Variants in CALD1 observed in about 807,000 individuals in gnomAD.
CALD1 encodes caldesmon 1.
In CALD1, 33 loss-of-function variants were observed where a neutral mutation model predicts 99.9. The observed-to-expected ratio is 0.33, with a 90% CI of 0.25 to 0.44. CALD1 has a LOEUF of 0.44. CALD1 is among the 20% of genes least tolerant of loss of function. The pLI, the probability that CALD1 is intolerant of heterozygous loss-of-function variation, is 1.00. For missense variants in CALD1, 861 were observed against 962.1 expected, an observed-to-expected ratio of 0.89 and a Z score of 1.39; for synonymous variants, 310 against 325.0, an observed-to-expected ratio of 0.95 and a Z score of 0.50.
intron 3 of CALD1, among the ~76,000 whole-genome samples, chr7:134,874,566 A>G (rs893635590): frequency 6.6e-6 from 1 of 152,186 alleles, no homozygotes; most frequent in African/African-American, 2.4e-5. Context: ...TCCCCAACAA[A>G]TGGCTCTCTC....
chr7:134,734,895 G>A, the CALD1 span: 2 of 160,266 alleles, frequency 1.2e-5, no homozygotes, highest in African/African-American at 2.4e-5. Context: ...GTAACAGAAG[G>A]CTCTAAGTCA....
At chr7:134,909,950 G>C (rs909444453) in intron 3 of CALD1, among the ~76,000 whole-genome samples, 1 of 152,190 alleles carries the variant, frequency 6.6e-6, no homozygotes, top group Non-Finnish European at 1.5e-5. Flanking sequence ...GATCAAGTAA[G>C]ATTGAGAGCA....
the CALD1 span, among the ~76,000 whole-genome samples, chr7:134,733,486 C>T: frequency 6.6e-6 from 1 of 152,156 alleles, no homozygotes; most frequent in African/African-American, 2.4e-5. Flanking sequence ...TTTTTATCCC[C>T]CACAACAATA....
chr7:134,777,163 C>A (rs550968194), upstream of CALD1, among the ~76,000 whole-genome samples: 3 of 151,916 alleles, frequency 2.0e-5, no homozygotes, highest in African/African-American at 7.2e-5. Flanking sequence ...TTTCCCCCTT[C>A]CTTTCTTTTT....
At chr7:134,853,705 T>A (rs58257365) in intron 2 of CALD1, among the ~76,000 whole-genome samples, 2 of 152,048 alleles carry the variant, frequency 1.3e-5, no homozygotes, top group African/African-American at 2.4e-5. Context: ...TTATTGAATT[T>A]TTTATTTATT....
At chr7:134,787,688 T>C (rs1419769674) in intron 1 of CALD1, among the ~76,000 whole-genome samples, 1 of 152,116 alleles carries the variant, frequency 6.6e-6, no homozygotes. Context: ...GGACAGAAAA[T>C]TTATCTCTAG....
intron 3 of CALD1, among the ~76,000 whole-genome samples, chr7:134,902,653 T>C (rs1437835681): frequency 6.6e-6 from 1 of 152,074 alleles, no homozygotes; most frequent in Non-Finnish European, 1.5e-5. Flanking sequence ...AGGGAAAAAC[T>C]GAACATCCAA....
chr7:134,779,178 C>T (rs182206101), upstream of CALD1, among the ~76,000 whole-genome samples: 11 of 152,284 alleles, frequency 7.2e-5, no homozygotes, highest in Non-Finnish European at 1.2e-4. Flanking sequence ...CCCACCCCCA[C>T]GCCCAATAAA....
At chr7:134,735,428 A>G in the CALD1 span, among the ~76,000 whole-genome samples, 12 of 152,194 alleles carry the variant, frequency 7.9e-5, no homozygotes, top group African/African-American at 2.9e-4. Context: ...ACCTGGAAAC[A>G]TAAACTTGGG....
intron 3 of CALD1, among the ~76,000 whole-genome samples, chr7:134,919,537 A>G (rs142562853): frequency 1.3e-5 from 2 of 152,366 alleles, no homozygotes; most frequent in East Asian, 3.9e-4. Context: ...ACATAAGAAC[A>G]CTAAAGCTTC....
intron 2 of CALD1, among the ~76,000 whole-genome samples, chr7:134,850,593 A>G (rs12530891): frequency 0.39 from 59,415 of 152,054 alleles, 14,338 homozygotes; most frequent in African/African-American, 0.69. Flanking sequence ...AAAGAAATCA[A>G]CTTATCCATC....
At chr7:134,800,322 TCTTA>T (rs1387088857) in intron 1 of CALD1, among the ~76,000 whole-genome samples, 1 of 152,134 alleles carries the variant, frequency 6.6e-6, no homozygotes, top group African/African-American at 2.4e-5. Flanking sequence ...TCTCTGATAT[TCTTA>T]CTAATTAAAA....
At chr7:134,847,414 T>C (rs899623545) in intron 2 of CALD1, among the ~76,000 whole-genome samples, 3 of 152,170 alleles carry the variant, frequency 2.0e-5, no homozygotes, top group African/African-American at 7.2e-5. Context: ...TAGGCTTATA[T>C]GGGAGAAGGT....
chr7:134,869,137 G>A (rs1267029751), intron 3 of CALD1, among the ~76,000 whole-genome samples: 1 of 152,100 alleles, frequency 6.6e-6, no homozygotes. Flanking sequence ...AATGGAACTA[G>A]TCAGAGAAAG....
the CALD1 span, among the ~76,000 whole-genome samples, chr7:134,733,948 T>A: frequency 6.6e-6 from 1 of 151,356 alleles, no homozygotes; most frequent in Non-Finnish European, 1.5e-5. Context: ...TTATATAGTA[T>A]AAATTTGCTA....
chr7:134,965,144 A>T (rs1292444762), intron 13 of CALD1, 162 bp from the exon 14 acceptor site: 2 of 581,570 alleles, frequency 3.4e-6, no homozygotes, highest in Non-Finnish European at 6.3e-6. Context: ...AAAAAATCAA[A>T]CAACAGCTGA....
chr7:134,758,854 A>T (rs943794077), intron 1 of CALD1, among the ~76,000 whole-genome samples: 33 of 152,026 alleles, frequency 2.2e-4, no homozygotes, highest in Admixed American at 1.3e-4. Context: ...ATCTAGGCAG[A>T]CACCTGTCAC....
intron 13 of CALD1, among the ~76,000 whole-genome samples, chr7:134,963,480 C>T (rs1017335424): frequency 1.8e-4 from 27 of 152,134 alleles, no homozygotes; most frequent in Admixed American, 7.2e-4. Flanking sequence ...TCAGTGTCCA[C>T]GGGTAAATGC....
chr7:134,943,702 A>T (rs1806635329), intron 7 of CALD1, among the ~76,000 whole-genome samples: 1 of 152,242 alleles, frequency 6.6e-6, no homozygotes, highest in Non-Finnish European at 1.5e-5. Flanking sequence ...CCACCCAAAG[A>T]TAACTAGCAG....
Sources: gnomAD v4.1 joint callset for allele counts (sites outside exome capture counted in the v4.1 genomes callset) on GRCh38, gnomAD v4.1.1 for gene constraint, MANE v1.5 for transcripts, NCBI Gene and HGNC (gene_info 2026-07-23, HGNC 2026-07-21) for gene names.